Variants in USP48 observed in about 807,000 individuals in gnomAD.
USP48 encodes the protein ubiquitin carboxyl-terminal hydrolase 48.
In USP48, 43 loss-of-function variants were observed where a neutral mutation model predicts 150.7. The observed-to-expected ratio is 0.29, with a 90% confidence interval of 0.22 to 0.37. USP48 has a LOEUF of 0.37. Ranked by LOEUF, USP48 falls within the 10% of genes least tolerant of loss-of-function variation. The probability of loss-of-function intolerance (pLI) is 1.00; values close to 1 mark genes in which losing one functional copy is unlikely to be tolerated. For synonymous variants in USP48, 396 were observed against 425.9 expected, an observed-to-expected ratio of 0.93 and a Z score of 0.86; for missense variants, 813 against 1,249.6, an observed-to-expected ratio of 0.65 and a Z score of 5.27.
At chr1:21,782,228 G>A (rs1354184618) in intron 1 of USP48, among the ~76,000 whole-genome samples, 2 of 152,160 alleles carry the variant, frequency 1.3e-5, no homozygotes, top group African/African-American at 4.8e-5. Flanking sequence ...CAAGGGCGGC[G>A]CAGACGTGAA....
chr1:21,782,140 A>C (rs986730524), intron 1 of USP48: 1 of 152,192 alleles, frequency 6.6e-6, no homozygotes, highest in Admixed American at 6.6e-5. Context: ...CCCGCGTTAC[A>C]AGGTGGAAAA....
intron 25 of USP48, among the ~76,000 whole-genome samples, chr1:21,685,176 G>A (rs915457364): frequency 9.9e-5 from 15 of 152,100 alleles, no homozygotes; most frequent in African/African-American, 3.6e-4. Context: ...ATGAGCACAG[G>A]ATATCTTTCC....
intron 15 of USP48, among the ~76,000 whole-genome samples, chr1:21,712,840 C>A (rs545001782): frequency 1.2e-3 from 190 of 152,088 alleles, no homozygotes; most frequent in African/African-American, 4.3e-3. Context: ...GTTGGCCAGG[C>A]TGGTCTCAAA....
At chr1:21,770,812 T>C (rs530348691) in intron 1 of USP48, among the ~76,000 whole-genome samples, 86 of 152,042 alleles carry the variant, frequency 5.7e-4, no homozygotes, top group Non-Finnish European at 1.0e-3. Flanking sequence ...ATTTGTGTGC[T>C]TTTCTGTATG....
Position 21,753,115 on chromosome 1 carries a change from A to G in USP48, c.417T>C (p.Tyr139=). ...LGDGIQEEKD[Y]EPQTICEHLQ... ...GATGCTCACAAATTGTTTGAGGCTC[A>G]TAATCTATTAAAACAAAAATATAGA... The change falls in exon 4 of 27, where the codon TAT becomes TAC. Residue 139 remains tyrosine, a synonymous_variant. Coordinates refer to ENST00000308271, the MANE Select transcript of USP48 (RefSeq NM_032236.8). The G allele has an allele frequency of 6.3e-7, 1 of 1,597,534 alleles. No homozygotes were observed.
chr1:21,686,433 T>G (rs1356531543), intron 25 of USP48: 1 of 152,244 alleles, frequency 6.6e-6, no homozygotes, highest in East Asian at 1.9e-4. Flanking sequence ...CTTTGTCTAT[T>G]AAGATGATCA....
rs77865490 is a variant in USP48, at chr1:21,746,794, T to C, written c.991+273A>G. On this transcript the variant is annotated intron_variant, in intron 8 of 26. Coordinates refer to ENST00000308271, the MANE Select transcript of USP48 (RefSeq NM_032236.8). ...GTGGCAAGTGCGGGTTCAGAAACAG[T>C]AAAATACCTTTTTCATTTTTTACAA... Among the ~76,000 whole-genome samples, 820 of 152,330 alleles carry C rather than the reference T, an allele frequency of 5.4e-3. 7 individuals are homozygous for C. Among genetic ancestry groups the C allele is most frequent in the Non-Finnish European group, 8.2e-3 (561 of 68,028 alleles).
chr1:21,694,987 A>AT, intron 23 of USP48, 79 bp downstream of exon 23: 1 of 1,438,556 alleles, frequency 7.0e-7, no homozygotes, highest in Non-Finnish European at 9.3e-7. Context: ...ACATACATAT[A>AT]TGTAAATACA....
chr1:21,680,946 G>A, intron 25 of USP48, 112 bp from the exon 26 acceptor site: 5 of 757,582 alleles, frequency 6.6e-6, no homozygotes, highest in Non-Finnish European at 1.1e-5. Context: ...GATTACCTTT[G>A]TCACCTGTAA....
intron 8 of USP48, among the ~76,000 whole-genome samples, chr1:21,744,385 T>A (rs948748183): frequency 2.0e-5 from 3 of 150,922 alleles, no homozygotes; most frequent in Admixed American, 6.6e-5. Context: ...AGGTGGAGGC[T>A]GCAGTGAGTC....
intron 1 of USP48, among the ~76,000 whole-genome samples, chr1:21,779,767 G>A (rs765928969): frequency 2.0e-5 from 3 of 151,982 alleles, no homozygotes; most frequent in Non-Finnish European, 4.4e-5. Flanking sequence ...GAGATATGAT[G>A]GCATATTATT....
intron 1 of USP48, among the ~76,000 whole-genome samples, chr1:21,760,976 C>T (rs2097848560): frequency 1.3e-5 from 2 of 152,060 alleles, no homozygotes; most frequent in African/African-American, 4.8e-5. Context: ...GCCTGTTAAT[C>T]CCAGCTAGTT....
intron 1 of USP48, among the ~76,000 whole-genome samples, chr1:21,759,095 T>C (rs950519987): frequency 4.1e-5 from 6 of 144,640 alleles, no homozygotes; most frequent in South Asian, 4.3e-4. Context: ...TGCAGGAGAA[T>C]TGCTTGAACC....
chr1:21,771,673 A>AC (rs2097881089), intron 1 of USP48, among the ~76,000 whole-genome samples: 2 of 151,998 alleles, frequency 1.3e-5, no homozygotes, highest in Admixed American at 1.3e-4. Context: ...TAATCCCAAC[A>AC]CTTTGGGAGG....
chr1:21,760,179 A>G (rs2097846603), intron 1 of USP48, among the ~76,000 whole-genome samples: 1 of 152,240 alleles, frequency 6.6e-6, no homozygotes, highest in East Asian at 1.9e-4. Flanking sequence ...AGTCAGTGTC[A>G]TGAAATACAA....
chr1:21,756,887 T>C, intron 2 of USP48, 185 bp from the exon 3 acceptor site: 6 of 985,424 alleles, frequency 6.1e-6, no homozygotes, highest in Non-Finnish European at 7.2e-6. Flanking sequence ...CATTTTGGGT[T>C]GACCACAGGA....
At chr1:21,743,331 A>G (rs2097786393) in intron 8 of USP48, among the ~76,000 whole-genome samples, 1 of 152,198 alleles carries the variant, frequency 6.6e-6, no homozygotes, top group Admixed American at 6.5e-5. Flanking sequence ...CCAATGGATG[A>G]AACCTCAGCT....
chr1:21,766,614 G>T (rs1446818072), intron 1 of USP48, among the ~76,000 whole-genome samples: 1 of 152,148 alleles, frequency 6.6e-6, no homozygotes, highest in Non-Finnish European at 1.5e-5. Context: ...GAATGGGAAA[G>T]GGGGTAGGGA....
chr1:21,696,380 G>A (rs1191946384), intron 22 of USP48, among the ~76,000 whole-genome samples: 1 of 152,264 alleles, frequency 6.6e-6, no homozygotes, highest in Non-Finnish European at 1.5e-5. Context: ...GGAGGCTGCG[G>A]TGAGCCGAGA....
Sources: allele counts gnomAD v4.1 joint callset (sites outside exome capture counted in the v4.1 genomes callset), GRCh38; gene constraint gnomAD v4.1.1; transcripts MANE v1.5; gene names NCBI Gene and HGNC (gene_info 2026-07-23, HGNC 2026-07-21).